Variants in FAM184A observed in about 807,000 individuals in gnomAD.
FAM184A encodes family with sequence similarity 184 member A.
In FAM184A, 99 loss-of-function variants were observed where a neutral mutation model predicts 143.8. The observed-to-expected ratio is 0.69, with a 90% CI of 0.58 to 0.81. The LOEUF is 0.81. FAM184A is among the 40% of genes least tolerant of loss of function. The probability of loss-of-function intolerance (pLI) is 0.00; values close to 1 mark genes in which losing one functional copy is unlikely to be tolerated. For synonymous variants in FAM184A, 427 were observed against 446.4 expected (o/e 0.96, Z 0.55); for missense variants, 1,217 against 1,310.5 (o/e 0.93, Z 1.10).
upstream of FAM184A, among the ~76,000 whole-genome samples, chr6:119,081,741 T>G (rs962004557): frequency 6.6e-6 from 1 of 152,222 alleles, no homozygotes; most frequent in Non-Finnish European, 1.5e-5. Context: ...CAGCCCAGGC[T>G]CTTCTCCAAC....
rs368875291 is a variant in FAM184A, at chr6:118,960,060, C to G, written c.*43G>C. 6.7e-6 allele frequency: 10 copies of G among 1,482,038 alleles called. No individual in the cohort carries two copies. Among genetic ancestry groups the G allele is most frequent in the Non-Finnish European group, 9.3e-6 (10 of 1,071,614 alleles). The allele number at this position is 1,482,038 out of a possible 1,614,324, so 91.8% of individuals were successfully genotyped here. A position where few individuals can be genotyped will look rare whatever the true frequency, so the allele number is the denominator to read the frequency against. On this transcript the variant is annotated 3_prime_UTR_variant, in exon 18 of 18. Coordinates refer to ENST00000338891, the MANE Select transcript of FAM184A (RefSeq NM_024581.6). ...ACATAACAATCTGTATAAAGTCATGCTCTTAGTAACAGTCTATACAGAGCT... is the reference window on the plus strand; with the variant it reads ...ACATAACAATCTGTATAAAGTCATGGTCTTAGTAACAGTCTATACAGAGCT...
chr6:118,976,366 A>G (rs1283858554), intron 11 of FAM184A, among the ~76,000 whole-genome samples: 1 of 152,158 alleles, frequency 6.6e-6, no homozygotes, highest in East Asian at 1.9e-4. Flanking sequence ...TTTCACTATT[A>G]GGATAATAAA....
At chr6:119,088,075 G>A (rs1162639875) in intron 1 of FAM184A, among the ~76,000 whole-genome samples, 1 of 152,162 alleles carries the variant, frequency 6.6e-6, no homozygotes, top group East Asian at 1.9e-4. Context: ...GTGGTTTCCA[G>A]GGGCTAGAAG....
At chr6:119,120,762 T>A (rs1789188049) in intron 1 of FAM184A, among the ~76,000 whole-genome samples, 1 of 152,138 alleles carries the variant, frequency 6.6e-6, no homozygotes, top group African/African-American at 2.4e-5. Flanking sequence ...TATTACTTTT[T>A]TTTTTCACTC....
At chr6:119,097,985 C>T (rs1038851314) in intron 1 of FAM184A, among the ~76,000 whole-genome samples, 1 of 152,154 alleles carries the variant, frequency 6.6e-6, no homozygotes, top group Non-Finnish European at 1.5e-5. Flanking sequence ...ACAACCACAC[C>T]GAGGTTTTGC....
chr6:118,976,929 T>G (rs1783863802), intron 11 of FAM184A, among the ~76,000 whole-genome samples: 1 of 152,074 alleles, frequency 6.6e-6, no homozygotes, highest in Admixed American at 6.6e-5. Flanking sequence ...TGAGCAAAAT[T>G]TATATGATGC....
chr6:119,109,725 C>G (rs1788882555), intron 1 of FAM184A, among the ~76,000 whole-genome samples: 1 of 152,160 alleles, frequency 6.6e-6, no homozygotes. Context: ...AAACTCAGCT[C>G]TGCTTTTATT....
At chr6:119,114,484 C>T (rs756017550) in intron 1 of FAM184A, among the ~76,000 whole-genome samples, 1 of 152,158 alleles carries the variant, frequency 6.6e-6, no homozygotes, top group Non-Finnish European at 1.5e-5. Context: ...AGATTCTTCT[C>T]TCTTGTCAAT....
At chr6:119,014,195 T>C (rs1253850739) in intron 5 of FAM184A, among the ~76,000 whole-genome samples, 2 of 152,376 alleles carry the variant, frequency 1.3e-5, no homozygotes, top group East Asian at 3.9e-4. Flanking sequence ...TACTGTAGTA[T>C]GTGGTACATA....
chr6:118,999,930 T>A (rs963085450), intron 9 of FAM184A, among the ~76,000 whole-genome samples: 1 of 152,216 alleles, frequency 6.6e-6, no homozygotes, highest in South Asian at 2.1e-4. Context: ...GCACAGTGAC[T>A]TTTAAGTACC....
At chr6:119,138,619 TA>T (rs1772101551) in intron 1 of FAM184A, among the ~76,000 whole-genome samples, 1 of 150,300 alleles carries the variant, frequency 6.7e-6, no homozygotes, top group African/African-American at 2.4e-5. Flanking sequence ...TTATTATTAT[TA>T]TTATTATTAT....
intron 1 of FAM184A, among the ~76,000 whole-genome samples, chr6:119,045,507 A>G (rs886783285): frequency 6.6e-6 from 1 of 152,132 alleles, no homozygotes; most frequent in Admixed American, 6.5e-5. Flanking sequence ...AGAAAAAATC[A>G]CCCACAAAGC....
rs780199782 is a variant in FAM184A at position 118,974,582 on chromosome 6, A to G, written c.2769-8T>C. 2 of 1,582,362 alleles carry G rather than the reference A, an allele frequency of 1.3e-6. No individual in the cohort carries two copies. Among genetic ancestry groups the G allele is most frequent in the South Asian group, 1.2e-5 (1 of 83,602 alleles). ...AAATCTTGTTCATGCAACCTGTTTG[A>G]TTTATTTTTAGTTAAGAAAATGTTA... On this transcript the variant is annotated splice_region_variant and splice_polypyrimidine_tract_variant and intron_variant, in intron 13 of 17. Transcript: ENST00000338891.
chr6:119,101,432 T>G (rs1374554941), intron 1 of FAM184A, among the ~76,000 whole-genome samples: 2 of 152,152 alleles, frequency 1.3e-5, no homozygotes, highest in African/African-American at 4.8e-5. Flanking sequence ...AGATAAATAT[T>G]ATGAGCCTTA....
chr6:118,990,189 T>C (rs904372698), intron 9 of FAM184A, among the ~76,000 whole-genome samples: 3 of 152,236 alleles, frequency 2.0e-5, no homozygotes, highest in South Asian at 2.1e-4. Context: ...ATTTATACCA[T>C]TTACTTATGA....
At chr6:118,974,617 C>T (rs748690536) in intron 13 of FAM184A, 43 bp from the exon 14 acceptor site, 1 of 1,507,626 alleles carries the variant, frequency 6.6e-7, no homozygotes, top group Non-Finnish European at 9.0e-7. Flanking sequence ...ATTCTGAAGT[C>T]AAGCTTTCAA....
At chr6:119,069,182 C>T (rs1221374693) in intron 1 of FAM184A, 2 of 237,394 alleles carry the variant, frequency 8.4e-6, no homozygotes, top group South Asian at 9.8e-5. Flanking sequence ...TTAATAGTAC[C>T]AAGCACAATG....
chr6:119,093,870 A>T (rs1788435178), intron 1 of FAM184A, among the ~76,000 whole-genome samples: 1 of 152,188 alleles, frequency 6.6e-6, no homozygotes, highest in Non-Finnish European at 1.5e-5. Flanking sequence ...ATAGATCTTT[A>T]GCGTAGAAGA....
chr6:119,109,466 TTC>T (rs138890980), intron 1 of FAM184A, among the ~76,000 whole-genome samples: 2 of 151,510 alleles, frequency 1.3e-5, no homozygotes, highest in Admixed American at 6.6e-5. Flanking sequence ...CTGTGAATCC[TTC>T]TCTCTCTCTC....
Sources: gnomAD v4.1 joint callset for allele counts (sites outside exome capture counted in the v4.1 genomes callset) on GRCh38, gnomAD v4.1.1 for gene constraint, MANE v1.5 for transcripts, NCBI Gene and HGNC (gene_info 2026-07-23, HGNC 2026-07-21) for gene names.